Variants in FOCAD observed in about 807,000 individuals in gnomAD.
The protein encoded by FOCAD is focadhesin.
In FOCAD, 198 loss-of-function variants were observed where a neutral mutation model predicts 225.6. The ratio of observed to expected loss-of-function variants is 0.88; its 90% CI spans 0.78 to 0.99. The LOEUF is 0.99. Among genes scored for constraint, FOCAD ranks in the 50% least tolerant of loss-of-function variants. The pLI is 0.00. For synonymous variants in FOCAD, 897 were observed against 755.0 expected (o/e 1.19, Z -3.08); for missense variants, 2,713 against 2,123.6 (o/e 1.28, Z -5.46).
intron 15 of FOCAD, among the ~76,000 whole-genome samples, chr9:20,859,381 CAAAA>C (rs761990067): frequency 1.6e-5 from 2 of 121,220 alleles, no homozygotes; most frequent in African/African-American, 3.1e-5. Flanking sequence ...AACTCCATCT[CAAAA>C]AAAAAAAAAA....
At chr9:20,727,708 T>G (rs1826325021) in intron 4 of FOCAD, among the ~76,000 whole-genome samples, 1 of 152,232 alleles carries the variant, frequency 6.6e-6, no homozygotes, top group Non-Finnish European at 1.5e-5. Flanking sequence ...TTCTCTTGTT[T>G]GCTGATGACT....
At chr9:20,962,906 A>G (rs1838888137) in intron 35 of FOCAD, among the ~76,000 whole-genome samples, 1 of 152,206 alleles carries the variant, frequency 6.6e-6, no homozygotes, top group South Asian at 2.1e-4. Flanking sequence ...AAAGGAACTG[A>G]TCATTCCTGT....
chr9:20,810,051 C>T (rs958311973), intron 11 of FOCAD, among the ~76,000 whole-genome samples: 6 of 152,078 alleles, frequency 3.9e-5, no homozygotes, highest in African/African-American at 1.2e-4. Flanking sequence ...GAGCTGTAAC[C>T]ATGCTTAAGA....
At chr9:20,802,091 A>G (rs938939999) in intron 11 of FOCAD, among the ~76,000 whole-genome samples, 1 of 152,174 alleles carries the variant, frequency 6.6e-6, no homozygotes, top group Non-Finnish European at 1.5e-5. Flanking sequence ...CATGGCTACA[A>G]ACTAAGTGGA....
At chr9:20,701,150 A>G (rs373733553) in intron 1 of FOCAD, among the ~76,000 whole-genome samples, 4 of 152,180 alleles carry the variant, frequency 2.6e-5, no homozygotes, top group South Asian at 4.1e-4. Context: ...CCATATCCTC[A>G]TATTCCCTCT....
chr9:20,706,605 G>A (rs1042143510), intron 1 of FOCAD, among the ~76,000 whole-genome samples: 1 of 152,198 alleles, frequency 6.6e-6, no homozygotes, highest in African/African-American at 2.4e-5. Context: ...GTTCTCACTT[G>A]AACTCTGTCA....
intron 21 of FOCAD, among the ~76,000 whole-genome samples, chr9:20,906,860 C>T (rs1019026131): frequency 1.3e-5 from 2 of 152,008 alleles, no homozygotes; most frequent in Admixed American, 6.6e-5. Flanking sequence ...CCCTAATTTT[C>T]GAGGGTTGAT....
intron 25 of FOCAD, among the ~76,000 whole-genome samples, chr9:20,925,128 C>A (rs1350233350): frequency 6.6e-6 from 1 of 151,594 alleles, no homozygotes; most frequent in Admixed American, 6.6e-5. Flanking sequence ...TAGTTAATTA[C>A]CTTATGAAAA....
intron 22 of FOCAD, among the ~76,000 whole-genome samples, chr9:20,908,342 ACTGT>A (rs1378262620): frequency 1.3e-5 from 2 of 152,138 alleles, no homozygotes; most frequent in African/African-American, 2.4e-5. Context: ...GAGAGGAATG[ACTGT>A]CTGGGCAATG....
intron 2 of FOCAD, among the ~76,000 whole-genome samples, chr9:20,671,213 A>G (rs10429585): frequency 0.05 from 7,650 of 152,098 alleles, 211 homozygotes; most frequent in African/African-American, 0.067. Context: ...TGAAATGTGC[A>G]CCGTAGATAA....
chr9:20,737,799 T>C (rs1024009782), intron 4 of FOCAD, among the ~76,000 whole-genome samples: 1 of 152,210 alleles, frequency 6.6e-6, no homozygotes, highest in Non-Finnish European at 1.5e-5. Flanking sequence ...TGAGACCTGG[T>C]AAGTTAGCTT....
intron 4 of FOCAD, among the ~76,000 whole-genome samples, chr9:20,723,871 G>T (rs1450456811): frequency 6.6e-6 from 1 of 152,144 alleles, no homozygotes; most frequent in Non-Finnish European, 1.5e-5. Context: ...GGCTGTACAG[G>T]AAGCATGGTG....
chr9:20,995,849 G>T lies in FOCAD; in HGVS notation c.*220G>T, dbSNP rs183465338. ...CAGTTGAGACTGAAACAGGAACTTGGATTTTCTTTATTTGGCTTGAGTTCA... is the reference window on the plus strand; with the variant it reads ...CAGTTGAGACTGAAACAGGAACTTGTATTTTCTTTATTTGGCTTGAGTTCA... On this transcript the variant is annotated 3_prime_UTR_variant, in exon 44 of 44. Transcript: ENST00000338382. 7.5e-5 allele frequency: 24 copies of T among 318,432 alleles called. No homozygotes were observed. Among genetic ancestry groups the T allele is most frequent in the African/African-American group, 4.7e-4 (22 of 46,508 alleles). 19.7% of individuals were successfully genotyped at this position (318,432 alleles called of 1,614,324 possible).
In FOCAD at chr9:20,819,840, A is replaced by T. The variant is rs755970748; in HGVS notation, c.1500A>T (p.Pro500=). The change falls in exon 12 of 44, where the codon CCA becomes CCT. Residue 500 remains proline (P), a synonymous_variant. Coordinates refer to ENST00000338382, the MANE Select transcript of FOCAD (RefSeq NM_001375567.1). ...TTTTGATGTTCAAATTGGGAAGACC[A>T]CTGGAACCTATATTATATAATGATA... ...IPVLMFKLGR[P]LEPILYNDIL... is the part of the protein sequence containing the mutation. 1 of 1,545,830 alleles carries T rather than the reference A, an allele frequency of 6.5e-7. No homozygotes were observed.
At chr9:20,992,099 C>T (rs1395442422) in intron 42 of FOCAD, among the ~76,000 whole-genome samples, 1 of 152,086 alleles carries the variant, frequency 6.6e-6, no homozygotes, top group East Asian at 1.9e-4. Context: ...ACTAAAATGC[C>T]TATTACCTAT....
intron 30 of FOCAD, 96 bp downstream of exon 30, chr9:20,946,916 T>G (rs1587692141): frequency 6.8e-7 from 1 of 1,474,352 alleles, no homozygotes; most frequent in Non-Finnish European, 9.2e-7. Flanking sequence ...TAATGGGATA[T>G]TTTTCATGTC....
At chr9:20,755,588 G>A (rs1004995151) in intron 5 of FOCAD, among the ~76,000 whole-genome samples, 2 of 152,208 alleles carry the variant, frequency 1.3e-5, no homozygotes, top group Middle Eastern at 3.4e-3. Flanking sequence ...GAAGAATATT[G>A]AAAAGCACTT....
At chr9:20,842,794 C>G (rs2131576462) in intron 15 of FOCAD, among the ~76,000 whole-genome samples, 1 of 152,002 alleles carries the variant, frequency 6.6e-6, no homozygotes, top group East Asian at 1.9e-4. Context: ...GTCTTCTCTA[C>G]CATACATCCT....
chr9:20,963,233 T>A (rs1838927610), intron 35 of FOCAD, among the ~76,000 whole-genome samples: 1 of 152,242 alleles, frequency 6.6e-6, no homozygotes, highest in South Asian at 2.1e-4. Flanking sequence ...TCAACCCTAT[T>A]CTCCATTTTA....
Sources: allele counts gnomAD v4.1 joint callset (sites outside exome capture counted in the v4.1 genomes callset), GRCh38; gene constraint gnomAD v4.1.1; transcripts MANE v1.5; gene names NCBI Gene and HGNC (gene_info 2026-07-23, HGNC 2026-07-21).